The following ARMC8 variants were observed in gnomAD, a reference collection of about 807,000 sequenced individuals.
ARMC8 encodes the protein armadillo repeat-containing protein 8.
A neutral mutation model predicts 99.3 loss-of-function variants in ARMC8; 20 were observed. The observed-to-expected ratio is 0.20, with a 90% CI of 0.14 to 0.29. The LOEUF is 0.29. Among genes scored for constraint, ARMC8 ranks in the 10% least tolerant of loss-of-function variants. The probability of loss-of-function intolerance (pLI) is 1.00; values close to 1 mark genes in which losing one functional copy is unlikely to be tolerated. For missense variants in ARMC8, 569 were observed against 809.5 expected, an observed-to-expected ratio of 0.70 and a Z score of 3.60; for synonymous variants, 263 against 278.3, an observed-to-expected ratio of 0.95 and a Z score of 0.55.
chr3:138,224,044 C>T (rs2045552337), intron 5 of ARMC8, among the ~76,000 whole-genome samples: 1 of 149,308 alleles, frequency 6.7e-6, no homozygotes, highest in Non-Finnish European at 1.5e-5. Flanking sequence ...CTGCAACCTT[C>T]ACCCTGCCAG....
At chr3:138,291,517 T>C (rs1379360024) in intron 21 of ARMC8, among the ~76,000 whole-genome samples, 1 of 152,204 alleles carries the variant, frequency 6.6e-6, no homozygotes, top group East Asian at 1.9e-4. Flanking sequence ...GTGAATAAAA[T>C]TGATGAAGTC....
chr3:138,215,200 A>G (rs989698007), intron 2 of ARMC8, among the ~76,000 whole-genome samples: 1 of 152,138 alleles, frequency 6.6e-6, no homozygotes, highest in East Asian at 1.9e-4. Flanking sequence ...ATTTGCGTGC[A>G]TATGTGTATA....
Position 138,206,535 on chromosome 3 carries a change from C to A in ARMC8, c.46-3282C>A, listed in dbSNP as rs372297507. On this transcript the variant is annotated intron_variant, in intron 1 of 21. Transcript: ENST00000469044. ...TTCTTTTTGCCTAAAAAAAGCTCTA[C>A]CCCTAGGTAGGTGCACAGTCTGCTC... Among the ~76,000 whole-genome samples, 8 of 152,332 alleles carry A rather than the reference C, an allele frequency of 5.3e-5. No homozygotes were observed. In the East Asian group the frequency reaches 7.7e-4, roughly 15 times the overall value.
chr3:138,239,340 A>C lies in ARMC8; in HGVS notation c.777-128A>C, dbSNP rs138278309. ...AACCTCCGAAAAGCGAATTGTCAAA[A>C]TCTTCACTCTCAAGATAAGTGATAT... is the stretch of plus-strand genomic sequence containing the variant. On this transcript the variant is annotated intron_variant, in intron 9 of 21. Transcript: ENST00000469044. The C allele has an allele frequency of 4.8e-4, 306 of 631,628 alleles. 1 individual carries two copies. In the African/African-American group the frequency reaches 5.1e-3, roughly 11 times the overall value. 39.1% of individuals were successfully genotyped at this position (631,628 alleles called of 1,614,324 possible).
intron 8 of ARMC8, 21 bp from the exon 9 acceptor site, chr3:138,237,461 T>C (rs774032245): frequency 6.2e-7 from 1 of 1,612,112 alleles, no homozygotes. Context: ...CCTTAATCAT[T>C]GTTGTTTGTT....
In ARMC8 at chr3:138,245,579, A is replaced by C. The variant is rs373152300; in HGVS notation, c.1134+396A>C. On this transcript the variant is annotated intron_variant, in intron 12 of 21. Transcript: ENST00000469044. ...CCTTCCAATGCTATTGAGAAATTCA[A>C]ATCTCTATTGTATATTGTTCTTTGA... 27 of 1,045,154 alleles carry C rather than the reference A, an allele frequency of 2.6e-5. No homozygotes were observed. In the African/African-American group the frequency reaches 4.4e-4, roughly 17 times the overall value. 64.7% of individuals were successfully genotyped at this position (1,045,154 alleles called of 1,614,324 possible). A position where few individuals can be genotyped will look rare whatever the true frequency, so the allele number is the denominator to read the frequency against.
At chr3:138,287,918 T>C in intron 19 of ARMC8, 1 of 228,048 alleles carries the variant, frequency 4.4e-6, no homozygotes, top group Non-Finnish European at 8.9e-6. Context: ...TATTGAGTCC[T>C]TTTTCATTCA....
chr3:138,199,685 C>T (rs968381085), intron 1 of ARMC8, among the ~76,000 whole-genome samples: 50 of 152,122 alleles, frequency 3.3e-4, no homozygotes, highest in Non-Finnish European at 1.2e-4. Flanking sequence ...AAGGGGAAGA[C>T]GTGATTTGAA....
chr3:138,189,320 C>G (rs1234666611), intron 1 of ARMC8, among the ~76,000 whole-genome samples: 1 of 151,860 alleles, frequency 6.6e-6, no homozygotes, highest in East Asian at 1.9e-4. Flanking sequence ...TCCGTAGTCC[C>G]AAAGTCTGGT....
intron 20 of ARMC8, among the ~76,000 whole-genome samples, chr3:138,289,451 A>G (rs1410818636): frequency 6.6e-6 from 1 of 152,204 alleles, no homozygotes; most frequent in Non-Finnish European, 1.5e-5. Flanking sequence ...GGGTGGGAGG[A>G]TGAGCCTTTC....
At chr3:138,291,712 A>C (rs1416209774) in intron 21 of ARMC8, among the ~76,000 whole-genome samples, 1 of 152,250 alleles carries the variant, frequency 6.6e-6, no homozygotes, top group Non-Finnish European at 1.5e-5. Context: ...ATGATCAGAG[A>C]CCTGAATGAA....
intron 12 of ARMC8, chr3:138,263,434 C>CA: frequency 3.4e-6 from 1 of 291,004 alleles, no homozygotes; most frequent in South Asian, 5.1e-5. Context: ...TCCTTTTTCT[C>CA]AAGATTATTT....
chr3:138,188,408 A>G (rs1300695179), intron 1 of ARMC8: 11 of 1,507,610 alleles, frequency 7.3e-6, no homozygotes, highest in Non-Finnish European at 9.8e-6. Context: ...AAGTTTTTTT[A>G]AAGAAAAAGA....
At chr3:138,232,113 G>A (rs897785309) in intron 6 of ARMC8, among the ~76,000 whole-genome samples, 5 of 151,540 alleles carry the variant, frequency 3.3e-5, no homozygotes, top group East Asian at 1.9e-4. Flanking sequence ...TGGGATTACA[G>A]GTGTGCACCA....
intron 5 of ARMC8, among the ~76,000 whole-genome samples, chr3:138,224,447 A>G (rs1237983964): frequency 1.3e-5 from 2 of 152,170 alleles, no homozygotes; most frequent in Non-Finnish European, 2.9e-5. Context: ...CTCACTAAAA[A>G]TAAAAAATGA....
At chr3:138,277,622 T>G (rs767886760) in intron 18 of ARMC8, among the ~76,000 whole-genome samples, 9 of 152,342 alleles carry the variant, frequency 5.9e-5, no homozygotes, top group Non-Finnish European at 1.0e-4. Flanking sequence ...CTATGCATCT[T>G]TTAGAATAGC....
rs561584252 is a variant in ARMC8 at position 138,194,926 on chromosome 3, G to T, written c.45+7327G>T. On this transcript the variant is annotated intron_variant, in intron 1 of 21. Coordinates refer to ENST00000469044, the MANE Select transcript of ARMC8 (RefSeq NM_001363941.2). ...CAGCACATTTTAAAGTTTGCCATTA[G>T]TTTACAAAGCACTAATAAGTACAGG... Among the ~76,000 whole-genome samples, 3 of 152,178 alleles carry T rather than the reference G, an allele frequency of 2.0e-5. No individual in the cohort carries two copies. The South Asian group carries it at 6.2e-4, about 32-fold the overall frequency.
At chr3:138,267,392 A>C (rs2048375506) in intron 15 of ARMC8, among the ~76,000 whole-genome samples, 151 bp downstream of exon 15, 1 of 152,212 alleles carries the variant, frequency 6.6e-6, no homozygotes, top group Non-Finnish European at 1.5e-5. Flanking sequence ...GTGTGCAAAT[A>C]AATCATTCAT....
intron 18 of ARMC8, among the ~76,000 whole-genome samples, chr3:138,275,211 A>G (rs144602532): frequency 3.9e-4 from 59 of 152,320 alleles, no homozygotes; most frequent in African/African-American, 1.4e-3. Context: ...GATACTGGCG[A>G]TCTTCAGTTT....
Sources: gnomAD v4.1 joint callset for allele counts (sites outside exome capture counted in the v4.1 genomes callset) on GRCh38, gnomAD v4.1.1 for gene constraint, MANE v1.5 for transcripts, NCBI Gene and HGNC (gene_info 2026-07-23, HGNC 2026-07-21) for gene names.